Variants in ZNF117 observed in about 807,000 individuals in gnomAD.
ZNF117 encodes the protein Krueppel-related zinc finger protein.
ZNF117 carries 37 observed loss-of-function variants against 41.2 expected under a neutral mutation model. That is an observed-to-expected ratio of 0.90 (90% CI 0.69 to 1.18). The LOEUF (loss-of-function observed/expected upper bound fraction) is 1.18. ZNF117 is among the 50% of genes most tolerant of loss of function. The pLI is 0.00. For missense variants in ZNF117, 546 were observed against 557.5 expected, an observed-to-expected ratio of 0.98 and a Z score of 0.21; for synonymous variants, 186 against 186.6, an observed-to-expected ratio of 1.00 and a Z score of 0.02.
At chr7:64,977,414 A>G (rs1360876035) in exon 3 of ZNF117, 3 of 433,564 alleles carry the variant, frequency 6.9e-6, no homozygotes, top group African/African-American at 6.2e-5. Flanking sequence ...TCTCTCCTGT[A>G]TGAATTTTCT....
exon 3 of ZNF117, chr7:64,975,953 G>T (rs1562982044): frequency 6.6e-6 from 1 of 152,104 alleles, no homozygotes; most frequent in Admixed American, 6.6e-5. Context: ...TTTGAAAAAT[G>T]TTTTTCCAAA....
chr7:64,975,627 A>T (rs1218200486), exon 3 of ZNF117: 1 of 152,162 alleles, frequency 6.6e-6, no homozygotes, highest in East Asian at 1.9e-4. Flanking sequence ...GTTGAATTAC[A>T]TCATTCACTT....
At position 64,978,316 on chromosome 7, in the gene ZNF117, AT is replaced by A. The variant is rs750591451; in HGVS notation, c.1254del (p.Lys418AsnfsTer48). 3.1e-6 allele frequency: 5 copies of A among 1,608,034 alleles called. No homozygotes were observed. In the South Asian group the frequency reaches 5.5e-5, roughly 18 times the overall value. Reference sequence around the variant, plus strand: ...TTAAAGGCTTTGCCACATTCTTCACATTTGTAGAGTTTCTCTCCAGTATGAA... The same window carrying A: ...TTAAAGGCTTTGCCACATTCTTCACATTGTAGAGTTTCTCTCCAGTATGAA... On this transcript the variant is annotated frameshift_variant, in exon 3 of 3. Coordinates refer to ENST00000620222, the Ensembl canonical transcript of ZNF117. LOFTEE classifies it high-confidence loss of function.
At chr7:64,971,955 A>G (rs1785791348), downstream of ZNF117, 1 of 152,112 alleles carries the variant, frequency 6.6e-6, no homozygotes, top group Admixed American at 6.5e-5. Context: ...CAAAGGGTTA[A>G]TAACAGAAAC....
At chr7:64,979,295 T>A (rs1785972581) in exon 3 of ZNF117, 1 of 1,589,094 alleles carries the variant, frequency 6.3e-7, no homozygotes, top group Non-Finnish European at 8.5e-7. Context: ...AATTTGAAAT[T>A]TTATGGAAAA....
At chr7:64,974,132 G>A (rs1232890274), downstream of ZNF117, 1 of 151,796 alleles carries the variant, frequency 6.6e-6, no homozygotes, top group African/African-American at 2.4e-5. Context: ...GCTTATATAG[G>A]ATTCTCCAAT....
intron 1 of ZNF117, among the ~76,000 whole-genome samples, chr7:64,989,018 C>T: frequency 6.6e-6 from 1 of 151,884 alleles, no homozygotes; most frequent in South Asian, 2.1e-4. Flanking sequence ...GGCCATACTG[C>T]CAAAAGAAAT....
Position 64,979,203 on chromosome 7 carries a change from T to G in ZNF117, c.368A>C (p.His123Pro), listed in dbSNP as rs754605087. 2.5e-6 allele frequency: 4 copies of G among 1,609,790 alleles called. No homozygotes were observed. In the East Asian group the frequency reaches 8.9e-5, roughly 36 times the overall value. Reference sequence around the variant, plus strand: ...TTGGATTCTTTTATGTTGAGTTAGGTGTGAAAGCATGCAAAATGTTTTGCG... The same window carrying G: ...TTGGATTCTTTTATGTTGAGTTAGGGGTGAAAGCATGCAAAATGTTTTGCG... The change falls in exon 3 of 3, where the codon CAC becomes CCC. Residue 123 changes from histidine to proline, a missense_variant. His to Pro is a moderately conservative substitution (Grantham distance 77). Coordinates refer to ENST00000620222, the Ensembl canonical transcript of ZNF117.
chr7:64,984,951 C>T (rs193285823), upstream of ZNF117, among the ~76,000 whole-genome samples: 47 of 152,184 alleles, frequency 3.1e-4, 1 homozygote, highest in East Asian at 8.1e-3. Context: ...CCACCACGCC[C>T]GGCTAATTTT....
upstream of ZNF117, among the ~76,000 whole-genome samples, chr7:64,983,259 A>G (rs931555562): frequency 7.9e-5 from 12 of 152,262 alleles, no homozygotes; most frequent in South Asian, 1.0e-3. Context: ...CTTTTCCCCA[A>G]TAGGAATCTT....
chr7:64,984,414 G>T (rs1005599447), upstream of ZNF117, among the ~76,000 whole-genome samples: 2 of 152,176 alleles, frequency 1.3e-5, no homozygotes, highest in African/African-American at 4.8e-5. Flanking sequence ...TTCCGATGAA[G>T]AATTAGAATA....
chr7:64,974,355 CAT>C (rs943650885), downstream of ZNF117: 3 of 151,724 alleles, frequency 2.0e-5, no homozygotes, highest in African/African-American at 7.2e-5. Flanking sequence ...CAAGTAAAAA[CAT>C]AATTTGCATG....
chr7:64,987,942 C>T (rs1786171138), intron 1 of ZNF117, among the ~76,000 whole-genome samples: 1 of 151,808 alleles, frequency 6.6e-6, no homozygotes, highest in Non-Finnish European at 1.5e-5. Flanking sequence ...ATAACAAACT[C>T]CAAAACTGAA....
chr7:64,975,605 GAAGT>G (rs1280107935), exon 3 of ZNF117: 41 of 151,964 alleles, frequency 2.7e-4, no homozygotes, highest in African/African-American at 9.7e-4. Flanking sequence ...TGAAAAGCAT[GAAGT>G]AATTTGAGTT....
chr7:64,989,462 T>C (rs1304698196), intron 1 of ZNF117, among the ~76,000 whole-genome samples: 4 of 42,762 alleles, frequency 9.4e-5, no homozygotes, highest in Non-Finnish European at 2.2e-4. Context: ...TATATATATA[T>C]ATATATATAT....
At chr7:64,979,026 C>T in exon 3 of ZNF117, 1 of 1,612,682 alleles carries the variant, frequency 6.2e-7, no homozygotes, top group South Asian at 1.1e-5. Context: ...TCTCTTATGT[C>T]TAATAAGGTG....
chr7:64,979,145 A>T lies in ZNF117; in HGVS notation c.426T>A (p.Tyr142Ter). 1 of 1,608,174 alleles carries T rather than the reference A, an allele frequency of 6.2e-7. No homozygotes were observed. Among genetic ancestry groups the T allele is most frequent in the Non-Finnish European group, 8.5e-7 (1 of 1,177,534 alleles). ...TTGAGGACCAGTTAAAGGCTCTTCC[A>T]TATGCTTCACATTTGTAGAAATTCA... The change falls in exon 3 of 3, where the codon TAT becomes TAA. Residue 142 changes from tyrosine to a stop codon, truncating the protein, a stop_gained. Coordinates refer to ENST00000620222, the Ensembl canonical transcript of ZNF117. LOFTEE classifies it high-confidence loss of function.
intron 2 of ZNF117, 76 bp downstream of exon 3, chr7:64,981,311 T>C: frequency 1.9e-6 from 3 of 1,571,950 alleles, no homozygotes; most frequent in African/African-American, 2.7e-5. Flanking sequence ...GCTTACCAAA[T>C]CACATTTTAA....
chr7:64,978,013 T>TAC, exon 3 of ZNF117: 1 of 1,336,200 alleles, frequency 7.5e-7, no homozygotes, highest in Non-Finnish European at 1.0e-6. Context: ...TGAATCATCT[T>TAC]ATGTTTAGTA....
Sources: gnomAD v4.1 joint callset for allele counts (sites outside exome capture counted in the v4.1 genomes callset) on GRCh38, gnomAD v4.1.1 for gene constraint, MANE v1.5 for transcripts, NCBI Gene and HGNC (gene_info 2026-07-23, HGNC 2026-07-21) for gene names.